Variants in CNTNAP2 observed in about 807,000 individuals in gnomAD.
CNTNAP2 encodes contactin-associated protein-like 2.
Under a neutral mutation model 155.2 loss-of-function variants are expected in CNTNAP2, and 98 were observed. That is an observed-to-expected ratio of 0.63 (90% CI 0.54 to 0.75). The LOEUF (loss-of-function observed/expected upper bound fraction) is 0.75. CNTNAP2 is among the 30% of genes least tolerant of loss of function. The probability of loss-of-function intolerance (pLI) is 0.00; values close to 1 mark genes in which losing one functional copy is unlikely to be tolerated. For missense variants in CNTNAP2, 1,727 were observed against 1,688.1 expected, an observed-to-expected ratio of 1.02 and a Z score of -0.40; for synonymous variants, 651 against 631.2, an observed-to-expected ratio of 1.03 and a Z score of -0.47.
chr7:147,617,259 C>A (rs1286157937), intron 12 of CNTNAP2, among the ~76,000 whole-genome samples: 1 of 152,118 alleles, frequency 6.6e-6, no homozygotes, highest in African/African-American at 2.4e-5. Context: ...TTTGGATACA[C>A]AATATATCTC....
At chr7:146,933,906 A>G (rs535311798) in intron 3 of CNTNAP2, among the ~76,000 whole-genome samples, 1 of 151,842 alleles carries the variant, frequency 6.6e-6, no homozygotes, top group Admixed American at 6.5e-5. Context: ...ATCTCACACC[A>G]GTTAGAATGG....
intron 21 of CNTNAP2, among the ~76,000 whole-genome samples, chr7:148,374,175 T>C (rs895263601): frequency 6.6e-6 from 1 of 152,136 alleles, no homozygotes; most frequent in African/African-American, 2.4e-5. Flanking sequence ...TATGCATTCA[T>C]GCGATCTTAG....
At chr7:146,525,939 A>G (rs1032887983) in intron 1 of CNTNAP2, among the ~76,000 whole-genome samples, 1 of 152,180 alleles carries the variant, frequency 6.6e-6, no homozygotes, top group South Asian at 2.1e-4. Context: ...ATGGAGCCAC[A>G]CAGTGGATTA....
At chr7:146,903,328 A>C (rs1456480041) in intron 3 of CNTNAP2, among the ~76,000 whole-genome samples, 1 of 152,148 alleles carries the variant, frequency 6.6e-6, no homozygotes, top group Non-Finnish European at 1.5e-5. Flanking sequence ...AAACTCTCTA[A>C]TTTATAACTC....
chr7:147,105,158 A>C (rs1169214823), intron 4 of CNTNAP2, among the ~76,000 whole-genome samples: 1 of 151,718 alleles, frequency 6.6e-6, no homozygotes, highest in African/African-American at 2.4e-5. Context: ...TTTTAATATT[A>C]AAATGTTTAT....
chr7:146,606,769 A>G (rs1296903491), intron 1 of CNTNAP2, among the ~76,000 whole-genome samples: 1 of 152,186 alleles, frequency 6.6e-6, no homozygotes, highest in Admixed American at 6.5e-5. Context: ...AGTGTCTTGT[A>G]TGGTTTCAAC....
chr7:146,275,964 C>T (rs1226696371), intron 1 of CNTNAP2, among the ~76,000 whole-genome samples: 2 of 152,132 alleles, frequency 1.3e-5, no homozygotes, highest in Non-Finnish European at 1.5e-5. Context: ...TCTTGTGGGT[C>T]AAGGCCGTGG....
intron 4 of CNTNAP2, among the ~76,000 whole-genome samples, chr7:147,047,576 T>G (rs1799390424): frequency 6.6e-6 from 1 of 152,204 alleles, no homozygotes. Context: ...TTACAATTGC[T>G]AGACACGTAT....
intron 1 of CNTNAP2, among the ~76,000 whole-genome samples, chr7:146,715,356 T>C (rs1483395758): frequency 1.3e-5 from 2 of 152,010 alleles, no homozygotes; most frequent in Non-Finnish European, 2.9e-5. Context: ...AACAAAACTC[T>C]ATGGAGTCAA....
At chr7:146,521,596 G>A (rs1448773494) in intron 1 of CNTNAP2, among the ~76,000 whole-genome samples, 3 of 151,918 alleles carry the variant, frequency 2.0e-5, no homozygotes, top group Non-Finnish European at 4.4e-5. Context: ...AATACACTCT[G>A]TCACTATGTT....
intron 11 of CNTNAP2, among the ~76,000 whole-genome samples, chr7:147,506,787 A>G (rs1214453472): frequency 6.6e-6 from 1 of 152,128 alleles, no homozygotes; most frequent in East Asian, 1.9e-4. Context: ...TATAACAAAA[A>G]CACACTTGTT....
intron 1 of CNTNAP2, among the ~76,000 whole-genome samples, chr7:146,661,732 C>CTT (rs34652048): frequency 0.62 from 90,308 of 144,892 alleles, 29,834 homozygotes; most frequent in South Asian, 0.84. Flanking sequence ...TTCTTTCTTT[C>CTT]TTTTTTTTTT....
intron 15 of CNTNAP2, among the ~76,000 whole-genome samples, chr7:148,004,737 T>C (rs112099217): frequency 1.7e-3 from 265 of 152,334 alleles, no homozygotes; most frequent in African/African-American, 6.2e-3. Context: ...CAGAAATGTT[T>C]TATGTTCTAA....
chr7:147,317,614 A>G (rs1012236409), intron 9 of CNTNAP2, among the ~76,000 whole-genome samples: 2 of 152,204 alleles, frequency 1.3e-5, no homozygotes, highest in African/African-American at 4.8e-5. Flanking sequence ...ACACTTCTTC[A>G]GGGAAGCCTT....
chr7:146,257,633 G>A (rs1799859668), intron 1 of CNTNAP2, among the ~76,000 whole-genome samples: 1 of 152,168 alleles, frequency 6.6e-6, no homozygotes, highest in Non-Finnish European at 1.5e-5. Context: ...GGAAGCCCTG[G>A]CCCAATACTT....
chr7:147,033,585 A>G (rs1261530623), intron 3 of CNTNAP2, among the ~76,000 whole-genome samples: 1 of 152,062 alleles, frequency 6.6e-6, no homozygotes, highest in African/African-American at 2.4e-5. Context: ...AGAAATAACA[A>G]GACCTATGAA....
At chr7:147,923,671 G>A (rs2538997) in intron 14 of CNTNAP2, among the ~76,000 whole-genome samples, 6,396 of 122,680 alleles carry the variant, frequency 0.052, 235 homozygotes, top group East Asian at 0.14. Flanking sequence ...GCACCACCAT[G>A]CCCAGCTAAT....
chr7:147,741,019 G>A (rs1796947796), intron 13 of CNTNAP2, among the ~76,000 whole-genome samples: 1 of 152,208 alleles, frequency 6.6e-6, no homozygotes, highest in Non-Finnish European at 1.5e-5. Flanking sequence ...CAGCATGTGT[G>A]GAAGATGGCA....
chr7:148,241,195 A>G (rs1796153608), intron 20 of CNTNAP2, among the ~76,000 whole-genome samples: 1 of 152,208 alleles, frequency 6.6e-6, no homozygotes, highest in Admixed American at 6.5e-5. Context: ...TTTCTAATGC[A>G]GTTTGTGTAT....
Sources: gnomAD v4.1 joint callset for allele counts (sites outside exome capture counted in the v4.1 genomes callset) on GRCh38, gnomAD v4.1.1 for gene constraint, MANE v1.5 for transcripts, NCBI Gene and HGNC (gene_info 2026-07-23, HGNC 2026-07-21) for gene names.